The following EDEM3 variants were observed in gnomAD, a reference collection of about 807,000 sequenced individuals.
The protein encoded by EDEM3 is ER degradation-enhancing alpha-mannosidase-like protein 3.
EDEM3 carries 60 observed loss-of-function variants against 110.2 expected under a neutral mutation model. That is an observed-to-expected ratio of 0.54 (90% CI 0.44 to 0.67). The LOEUF is 0.67. Among genes scored for constraint, EDEM3 ranks in the 30% least tolerant of loss-of-function variants. The pLI is 0.00. For synonymous variants in EDEM3, 352 were observed against 382.9 expected, an observed-to-expected ratio of 0.92 and a Z score of 0.94; for missense variants, 996 against 1,121.0, an observed-to-expected ratio of 0.89 and a Z score of 1.59.
intron 19 of EDEM3, among the ~76,000 whole-genome samples, chr1:184,698,648 C>T (rs1649450198): frequency 6.6e-6 from 1 of 151,842 alleles, no homozygotes; most frequent in South Asian, 2.1e-4. Flanking sequence ...TTTTAATACA[C>T]TTCTGGATTG....
At chr1:184,725,389 C>T (rs1651133786) in intron 7 of EDEM3, among the ~76,000 whole-genome samples, 1 of 151,970 alleles carries the variant, frequency 6.6e-6, no homozygotes, top group African/African-American at 2.4e-5. Context: ...TTAAAGTATG[C>T]AAAAGTGTCC....
Position 184,706,681 on chromosome 1 carries a change from T to C in EDEM3, c.2165A>G (p.Asn722Ser), listed in dbSNP as rs1370042612. 2 of 1,613,412 alleles carry C rather than the reference T, an allele frequency of 1.2e-6. No individual in the cohort carries two copies. The highest frequency in any genetic ancestry group is 1.7e-6 in the Non-Finnish European group (2 of 1,179,622). Residue 722 changes from asparagine to serine, a missense_variant, in exon 18 of 20, where the codon AAC becomes AGC. Asn to Ser is a conservative substitution (Grantham distance 46, BLOSUM62 1). Coordinates refer to ENST00000318130, the MANE Select transcript of EDEM3 (RefSeq NM_025191.4). ...ACCAATGGCTCCAGCATTCTGGATG[T>C]TGCGTGCCTTTTCTGCAAACATGCA... Reference protein sequence around the residue: ...GQCMFAEKARNIQNAGAIGGI... With the variant: ...GQCMFAEKARSIQNAGAIGGI...
chr1:184,713,457 A>G (rs557512522), intron 13 of EDEM3, among the ~76,000 whole-genome samples: 54 of 152,354 alleles, frequency 3.5e-4, no homozygotes, highest in African/African-American at 1.3e-3. Flanking sequence ...GTTTAAATTA[A>G]AAGTGTCAGG....
chr1:184,729,293 A>G (rs1651367178), intron 6 of EDEM3, among the ~76,000 whole-genome samples: 1 of 152,198 alleles, frequency 6.6e-6, no homozygotes, highest in South Asian at 2.1e-4. Context: ...TTTATTGCAA[A>G]GTAAAGGCAT....
Position 184,698,771 on chromosome 1 carries a change from G to GCAGAGAGAGAGACAGAGA in EDEM3, c.2389+4022_2389+4039dup, listed in dbSNP as rs1451312489. ...GCCAACTAAATTTAAATGTAGAGAA[G>GCAGAGAGAGAGACAGAGA]CAGAGAGAGAGACAGAGACAGAGAG... On this transcript the variant is annotated intron_variant, in intron 19 of 19. Coordinates refer to ENST00000318130, the MANE Select transcript of EDEM3 (RefSeq NM_025191.4). Among the ~76,000 whole-genome samples the GCAGAGAGAGAGACAGAGA allele has an allele frequency of 5.3e-5, 8 of 151,544 alleles. No homozygotes were observed. In the South Asian group the frequency reaches 1.2e-3, roughly 24 times the overall value.
At chr1:184,696,573 G>A (rs1045484968) in intron 19 of EDEM3, among the ~76,000 whole-genome samples, 1 of 151,720 alleles carries the variant, frequency 6.6e-6, no homozygotes, top group Non-Finnish European at 1.5e-5. Context: ...ACATTCTTAG[G>A]GTTTTTTTTC....
chr1:184,716,041 T>C lies in EDEM3; in HGVS notation c.1370+847A>G, dbSNP rs1249055289. 3.9e-5 allele frequency among the ~76,000 whole-genome samples: 6 copies of C among 152,166 alleles called. No homozygotes were observed. The South Asian group carries it at 6.2e-4, about 16-fold the overall frequency. ...TAATTCTTGGTTATCCTTCAGGACATAGGAGCCTTCAGGAACCCTTCGCTG... is the reference window on the plus strand; with the variant it reads ...TAATTCTTGGTTATCCTTCAGGACACAGGAGCCTTCAGGAACCCTTCGCTG... On this transcript the variant is annotated intron_variant, in intron 13 of 19. Coordinates refer to ENST00000318130, the MANE Select transcript of EDEM3 (RefSeq NM_025191.4).
intron 5 of EDEM3, among the ~76,000 whole-genome samples, chr1:184,734,305 T>C (rs941303307): frequency 2.6e-5 from 4 of 151,712 alleles, no homozygotes; most frequent in Admixed American, 1.3e-4. Flanking sequence ...CCCGTCTCTA[T>C]TAAAAATACA....
Position 184,747,283 on chromosome 1 carries a change from G to A in EDEM3, c.204+2264C>T, listed in dbSNP as rs148920723. ...TAGGGTCCAACCTGTAAATAGCTGA[G>A]ACAGGATTTGAACTCAAGCCCTTCT... is the stretch of plus-strand genomic sequence containing the variant. On this transcript the variant is annotated intron_variant, in intron 2 of 19. Coordinates refer to ENST00000318130, the MANE Select transcript of EDEM3 (RefSeq NM_025191.4). Among the ~76,000 whole-genome samples, 432 of 152,316 alleles carry A rather than the reference G, an allele frequency of 2.8e-3. 5 individuals carry two copies. In the East Asian group the frequency reaches 0.035, roughly 12 times the overall value.
chr1:184,705,787 T>C (rs898060350), intron 18 of EDEM3, among the ~76,000 whole-genome samples: 14 of 152,194 alleles, frequency 9.2e-5, no homozygotes, highest in African/African-American at 3.1e-4. Context: ...GGTCTTACAG[T>C]TCTTTCTGAA....
At position 184,712,437 on chromosome 1, in the gene EDEM3, T is replaced by A; in HGVS notation, c.1532A>T (p.Asn511Ile). Reference sequence around the variant, plus strand: ...ACATTTCATTTAAAAACTCACTGTGTTCTTTTTAGAGATGCTTTGATTTGT... The same window carrying A: ...ACATTTCATTTAAAAACTCACTGTGATCTTTTTAGAGATGCTTTGATTTGT... ...STTNQSISKK[N>I]TTSEYTELDD... The change falls in exon 14 of 20, where the codon AAC becomes ATC. Residue 511 changes from asparagine (N) to isoleucine (I), a missense_variant. Coordinates refer to ENST00000318130, the MANE Select transcript of EDEM3 (RefSeq NM_025191.4). 2 of 1,585,892 alleles carry A rather than the reference T, an allele frequency of 1.3e-6. No homozygotes were observed. The highest frequency in any genetic ancestry group is 2.4e-5 in the South Asian group (2 of 84,530).
At chr1:184,743,575 C>T (rs1326311025) in intron 2 of EDEM3, among the ~76,000 whole-genome samples, 2 of 152,120 alleles carry the variant, frequency 1.3e-5, no homozygotes, top group African/African-American at 4.8e-5. Context: ...CTCTAAACCA[C>T]TCAAGTCAAA....
chr1:184,750,760 G>A (rs1373538744), intron 1 of EDEM3, among the ~76,000 whole-genome samples: 2 of 151,946 alleles, frequency 1.3e-5, no homozygotes, highest in Non-Finnish European at 2.9e-5. Flanking sequence ...TGATCCACCC[G>A]CCTCAGCCTC....
Position 184,716,892 on chromosome 1 carries a change from C to G in EDEM3, c.1366G>C (p.Asp456His). 6.2e-7 allele frequency: 1 copy of G among 1,613,116 alleles called. No homozygotes were observed. Among genetic ancestry groups the G allele is most frequent in the Non-Finnish European group, 8.5e-7 (1 of 1,179,264 alleles). ...MKDVRTGSHE[D>H]RMDSFFLAEM... is the part of the protein sequence containing the mutation. ...GGATGTTAGCAATTGTTTTACCTGT[C>G]CTCATGACTTCCAGTACGAACATCC... Residue 456 changes from aspartate (D) to histidine (H), a missense_variant, in exon 13 of 20, where the codon GAC (aspartate) becomes CAC (histidine). This residue lies in a region of EDEM3 where 310 missense variants were observed against 394.6 expected (regional missense o/e 0.79). Transcript: ENST00000318130.
Position 184,737,049 on chromosome 1 carries a change from C to A in EDEM3, c.321G>T (p.Leu107=). The part of the protein sequence containing the change: ...DDALGKFSLT[L]IDSLDTLVVL... ...CCACAAGAGTGTCCAAAGAATCAAT[C>A]AGTGTCAGAGAAAATCTAAGAAACA... The change falls in exon 4 of 20, where the codon CTG becomes CTT. Residue 107 remains leucine (L), a synonymous_variant. Transcript: ENST00000318130. 1.2e-6 allele frequency: 2 copies of A among 1,609,452 alleles called. No individual in the cohort carries two copies. Among genetic ancestry groups the A allele is most frequent in the Non-Finnish European group, 1.7e-6 (2 of 1,178,498 alleles).
intron 2 of EDEM3, among the ~76,000 whole-genome samples, chr1:184,745,735 G>A (rs1366501906): frequency 6.6e-6 from 1 of 152,048 alleles, no homozygotes; most frequent in Non-Finnish European, 1.5e-5. Flanking sequence ...CTTAATAGTG[G>A]TTATTAGGTA....
In EDEM3 at chr1:184,739,777, C is replaced by T. The variant is rs79011536; in HGVS notation, c.205-2066G>A. Among the ~76,000 whole-genome samples, 262 of 152,190 alleles carry T rather than the reference C, an allele frequency of 1.7e-3. 2 individuals carry two copies. The highest frequency in any genetic ancestry group is 5.9e-3 in the African/African-American group (247 of 41,516). On this transcript the variant is annotated intron_variant, in intron 2 of 19. Transcript: ENST00000318130. The stretch of plus-strand genomic sequence containing the variant: ...TACCCACTACAAACACAATGAAATG[C>T]TAAATAAATGTTATAAATTATTTTT...
At chr1:184,739,763 A>C (rs1652031712) in intron 2 of EDEM3, among the ~76,000 whole-genome samples, 2 of 152,214 alleles carry the variant, frequency 1.3e-5, no homozygotes. Flanking sequence ...ACCCACTACA[A>C]ACACAATGAA....
intron 13 of EDEM3, among the ~76,000 whole-genome samples, chr1:184,714,751 CAA>C (rs1420479526): frequency 6.6e-6 from 1 of 151,766 alleles, no homozygotes; most frequent in South Asian, 2.1e-4. Context: ...AGAAACAAAA[CAA>C]AAAAAGAAAT....
Sources: allele counts gnomAD v4.1 joint callset (sites outside exome capture counted in the v4.1 genomes callset), GRCh38; gene constraint gnomAD v4.1.1; regional missense constraint gnomAD v4.1.1; transcripts MANE v1.5; gene names NCBI Gene and HGNC (gene_info 2026-07-23, HGNC 2026-07-21).